ATP13A3: variants seen among roughly 807,000 people sequenced by gnomAD.
ATP13A3 encodes ATPase 13A3, also known as polyamine-transporting ATPase 13A3.
A neutral mutation model predicts 158.1 loss-of-function variants in ATP13A3; 59 were observed. The ratio of observed to expected loss-of-function variants is 0.37; its 90% CI spans 0.30 to 0.46. ATP13A3 has a LOEUF of 0.46. Among genes scored for constraint, ATP13A3 ranks in the 20% least tolerant of loss-of-function variants. The probability of loss-of-function intolerance (pLI) is 1.00; values close to 1 mark genes in which losing one functional copy is unlikely to be tolerated. For missense variants in ATP13A3, 1,166 were observed against 1,525.2 expected (o/e 0.76, Z 3.92); for synonymous variants, 491 against 504.3 (o/e 0.97, Z 0.35).
rs562125271 is a variant in ATP13A3, at chr3:194,419,754, C to A, written c.3402+125G>T. On this transcript the variant is annotated intron_variant, in intron 31 of 33. Coordinates refer to ENST00000645319, the MANE Select transcript of ATP13A3 (RefSeq NM_001367549.1). ...CTATTTTCATTAGGTTCTTTATTCT[C>A]TGTAGAGTATCTTTGGGTTAATATA... 2.8e-6 allele frequency: 4 copies of A among 1,406,278 alleles called. No homozygotes were observed. In the East Asian group the frequency reaches 1.2e-4, roughly 40 times the overall value. 87.1% of individuals were successfully genotyped at this position (1,406,278 alleles called of 1,614,324 possible).
intron 16 of ATP13A3, among the ~76,000 whole-genome samples, chr3:194,441,004 T>A (rs1026977578): frequency 3.3e-5 from 5 of 152,190 alleles, no homozygotes; most frequent in Admixed American, 2.0e-4. Flanking sequence ...TCAGTTGAGA[T>A]CATCTTACTG....
chr3:194,425,813 A>T (rs574361722), intron 29 of ATP13A3, among the ~76,000 whole-genome samples: 1 of 152,356 alleles, frequency 6.6e-6, no homozygotes, highest in East Asian at 1.9e-4. Context: ...TAATTTTAGC[A>T]GAGTGAAAAC....
intron 2 of ATP13A3, among the ~76,000 whole-genome samples, chr3:194,472,431 T>C (rs989562994): frequency 1.3e-5 from 2 of 152,220 alleles, no homozygotes; most frequent in Non-Finnish European, 2.9e-5. Flanking sequence ...GGTTTTGAGC[T>C]ACACAAGCAT....
At chr3:194,430,565 A>G in intron 24 of ATP13A3, among the ~76,000 whole-genome samples, 1 of 152,272 alleles carries the variant, frequency 6.6e-6, no homozygotes, top group Admixed American at 6.5e-5. Flanking sequence ...TGGTGTCTCA[A>G]TTTCCTCATC....
Position 194,425,297 on chromosome 3 carries a change from T to C in ATP13A3, c.3313+45A>G, listed in dbSNP as rs1478111633. On this transcript the variant is annotated intron_variant, in intron 30 of 33. Coordinates refer to ENST00000645319, the MANE Select transcript of ATP13A3 (RefSeq NM_001367549.1). ...TAATTATTCTCTTCTACATTAGTTT[T>C]AAAGGGGCAAGCAGGGTGGAAATCA... The C allele has an allele frequency of 2.6e-6, 4 of 1,529,308 alleles. No homozygotes were observed. The African/African-American group carries it at 5.6e-5, about 21-fold the overall frequency. The allele number at this position is 1,529,308 out of a possible 1,614,324, so 94.7% of individuals were successfully genotyped here.
chr3:194,419,817 A>G, intron 31 of ATP13A3, 62 bp downstream of exon 31: 1 of 1,516,136 alleles, frequency 6.6e-7, no homozygotes, highest in South Asian at 1.4e-5. Flanking sequence ...GAGATCCTGG[A>G]AAAAAAGAAA....
In ATP13A3 at chr3:194,481,307, T is replaced by G. The variant is rs139793491; in HGVS notation, c.-47+4487A>C. 2.9e-3 allele frequency among the ~76,000 whole-genome samples: 441 copies of G among 152,174 alleles called. 1 individual carries two copies. The highest frequency in any genetic ancestry group is 0.01 in the African/African-American group (424 of 41,526). ...GTGGGAGCAATTCCATGACTCATTTTAAACAAACTAAAAATAGTTTGTTTC... is the reference window on the plus strand; with the variant it reads ...GTGGGAGCAATTCCATGACTCATTTGAAACAAACTAAAAATAGTTTGTTTC... On this transcript the variant is annotated intron_variant, in intron 2 of 33. Transcript: ENST00000645319.
At chr3:194,472,632 C>T (rs1487306204) in intron 2 of ATP13A3, among the ~76,000 whole-genome samples, 1 of 152,154 alleles carries the variant, frequency 6.6e-6, no homozygotes, top group African/African-American at 2.4e-5. Context: ...TTCAACCCAG[C>T]AATCCCATTA....
chr3:194,433,789 C>T lies in ATP13A3; in HGVS notation c.2228G>A (p.Arg743His), dbSNP rs1316861626. The change falls in exon 21 of 34, where the codon CGC (arginine) becomes CAC (histidine). Residue 743 changes from arginine (R) to histidine (H), a missense_variant. Arg to His is a conservative substitution (Grantham distance 29). Transcript: ENST00000645319. ...AGTCTAACCTGTGACCATGACGGTG[C>T]GAATGTTGGCTTTATGCAAATCTTC... ...VLEDLHKANI[R>H]TVMVTGDSML... The T allele has an allele frequency of 1.9e-6, 3 of 1,614,014 alleles. No individual in the cohort carries two copies. The highest frequency in any genetic ancestry group is 1.7e-6 in the Non-Finnish European group (2 of 1,179,974).
chr3:194,465,287 TG>T (rs1719921049), intron 2 of ATP13A3, among the ~76,000 whole-genome samples: 2 of 152,140 alleles, frequency 1.3e-5, no homozygotes, highest in Admixed American at 1.3e-4. Context: ...ACTGGAAGTC[TG>T]GGGAAGCACC....
At chr3:194,418,798 G>A (rs762679999) in intron 31 of ATP13A3, among the ~76,000 whole-genome samples, 25 of 152,208 alleles carry the variant, frequency 1.6e-4, no homozygotes, top group Admixed American at 1.6e-3. Flanking sequence ...GTCCCTAATG[G>A]TTTGCCAAGG....
intron 31 of ATP13A3, among the ~76,000 whole-genome samples, chr3:194,417,075 T>G (rs1452157969): frequency 6.6e-6 from 1 of 152,094 alleles, no homozygotes; most frequent in Non-Finnish European, 1.5e-5. Context: ...CCCTCAAAAT[T>G]TATTGATCAA....
rs1037184649 is a variant in ATP13A3 at position 194,429,665 on chromosome 3, T to C, written c.2874+13A>G. The C allele has an allele frequency of 8.2e-6, 13 of 1,582,458 alleles. No homozygotes were observed. Among genetic ancestry groups the C allele is most frequent in the Non-Finnish European group, 8.7e-6 (10 of 1,153,330 alleles). Reference sequence around the variant, plus strand: ...CATTAAGTGTTATCTCTGCACACAATGTTAATACTCACAGAATACAGCAGA... The same window carrying C: ...CATTAAGTGTTATCTCTGCACACAACGTTAATACTCACAGAATACAGCAGA... On this transcript the variant is annotated intron_variant, in intron 27 of 33. Coordinates refer to ENST00000645319, the MANE Select transcript of ATP13A3 (RefSeq NM_001367549.1).
rs376019750 is a variant in ATP13A3 at position 194,479,919 on chromosome 3, G to A, written c.-47+5875C>T. Among the ~76,000 whole-genome samples, 10 of 152,204 alleles carry A rather than the reference G, an allele frequency of 6.6e-5. No individual in the cohort carries two copies. In the East Asian group the frequency reaches 1.7e-3, roughly 26 times the overall value. ...AAATATACATAAAATGTATATCGGA[G>A]ATACATGAGGTTAACATCTTGAGCT... On this transcript the variant is annotated intron_variant, in intron 2 of 33. Coordinates refer to ENST00000645319, the MANE Select transcript of ATP13A3 (RefSeq NM_001367549.1).
chr3:194,422,843 T>A (rs1251002175), intron 30 of ATP13A3, among the ~76,000 whole-genome samples: 1 of 151,714 alleles, frequency 6.6e-6, no homozygotes, highest in Non-Finnish European at 1.5e-5. Context: ...TAAGCCTTTT[T>A]ATTCCTATCC....
At chr3:194,432,169 A>G (rs904231654) in intron 21 of ATP13A3, 2 of 361,618 alleles carry the variant, frequency 5.5e-6, no homozygotes, top group East Asian at 5.0e-5. Flanking sequence ...GTCATGCACT[A>G]TTTGTATCTA....
chr3:194,421,552 CAAAAA>C (rs34760027), intron 30 of ATP13A3, among the ~76,000 whole-genome samples: 1 of 71,882 alleles, frequency 1.4e-5, no homozygotes, highest in Non-Finnish European at 3.0e-5. Context: ...GACTCCATCT[CAAAAA>C]AAAAAAAAAA....
rs1720997327 is a variant in ATP13A3, at chr3:194,486,722, G to A, written c.-245C>T. 2.7e-5 allele frequency: 4 copies of A among 150,470 alleles called. No homozygotes were observed. The highest frequency in any genetic ancestry group is 1.3e-4 in the Admixed American group (2 of 15,048). The allele number at this position is 150,470 out of a possible 1,614,324, so 9.3% of individuals were successfully genotyped here. A position where few individuals can be genotyped will look rare whatever the true frequency, so the allele number is the denominator to read the frequency against. On this transcript the variant is annotated 5_prime_UTR_variant, in exon 1 of 34. Transcript: ENST00000645319. ...GCCCTCGGCCGGCGCCGCGCGCTGC[G>A]GCTCAGGGTGAGGGAAGGAGGCGCC...
intron 2 of ATP13A3, among the ~76,000 whole-genome samples, chr3:194,465,284 G>A (rs1719920411): frequency 6.6e-6 from 1 of 152,200 alleles, no homozygotes; most frequent in Admixed American, 6.5e-5. Flanking sequence ...GAAACTGGAA[G>A]TCTGGGGAAG....
Sources: allele counts gnomAD v4.1 joint callset (sites outside exome capture counted in the v4.1 genomes callset), GRCh38; gene constraint gnomAD v4.1.1; transcripts MANE v1.5; gene names NCBI Gene and HGNC (gene_info 2026-07-23, HGNC 2026-07-21).